Variants in HEMK2 observed in about 807,000 individuals in gnomAD.
The protein encoded by HEMK2 is methyltransferase HEMK2.
At chr21:28,605,325 T>C in the HEMK2 span, among the ~76,000 whole-genome samples, 1 of 152,222 alleles carries the variant, frequency 6.6e-6, no homozygotes. Flanking sequence ...CTCTGTGTAG[T>C]GGTTTCGTTC....
the HEMK2 span, among the ~76,000 whole-genome samples, chr21:28,724,587 T>C: frequency 0.011 from 1,673 of 152,300 alleles, 25 homozygotes; most frequent in African/African-American, 0.038. Context: ...AGACGCTACA[T>C]TTGGGTTCCT....
the HEMK2 span, among the ~76,000 whole-genome samples, chr21:28,628,048 G>A: frequency 4.6e-5 from 7 of 152,128 alleles, no homozygotes; most frequent in African/African-American, 1.7e-4. Flanking sequence ...ACCCTCAGGA[G>A]TGTACTTTCA....
the HEMK2 span, among the ~76,000 whole-genome samples, chr21:28,667,500 C>A: frequency 1.3e-5 from 2 of 152,130 alleles, no homozygotes; most frequent in Non-Finnish European, 2.9e-5. Flanking sequence ...CTTCTGAAAT[C>A]TGGAATCTTT....
the HEMK2 span, among the ~76,000 whole-genome samples, chr21:28,619,689 A>C: frequency 1.3e-5 from 2 of 152,184 alleles, no homozygotes; most frequent in Admixed American, 1.3e-4. Context: ...TTTGTTACAA[A>C]AGGACTGAAT....
chr21:28,722,162 G>GC, the HEMK2 span, among the ~76,000 whole-genome samples: 1 of 151,480 alleles, frequency 6.6e-6, no homozygotes, highest in Non-Finnish European at 1.5e-5. Flanking sequence ...GTATAGAAAC[G>GC]CAGGTCAAAA....
chr21:28,623,126 A>C, the HEMK2 span, among the ~76,000 whole-genome samples: 1 of 152,190 alleles, frequency 6.6e-6, no homozygotes, highest in Non-Finnish European at 1.5e-5. Context: ...TCTACAAGGA[A>C]CTTAAACAAA....
chr21:28,584,911 A>G, the HEMK2 span, among the ~76,000 whole-genome samples: 1 of 152,144 alleles, frequency 6.6e-6, no homozygotes, highest in Non-Finnish European at 1.5e-5. Flanking sequence ...ACCAAAGAAA[A>G]AGCCAAAGCT....
the HEMK2 span, among the ~76,000 whole-genome samples, chr21:28,734,511 T>A: frequency 6.6e-6 from 1 of 152,170 alleles, no homozygotes. Context: ...AGAAAGAAGT[T>A]TATATAATGA....
At chr21:28,647,513 A>T in the HEMK2 span, among the ~76,000 whole-genome samples, 1 of 148,874 alleles carries the variant, frequency 6.7e-6, no homozygotes, top group African/African-American at 2.5e-5. Flanking sequence ...CATCTCAAAA[A>T]AAAAAAAAAA....
the HEMK2 span, among the ~76,000 whole-genome samples, chr21:28,822,669 A>T: frequency 6.6e-6 from 1 of 152,114 alleles, no homozygotes; most frequent in Middle Eastern, 3.2e-3. Context: ...GAGGAACTCC[A>T]GCTGGAGCCA....
At chr21:28,653,427 C>A in the HEMK2 span, among the ~76,000 whole-genome samples, 1 of 152,128 alleles carries the variant, frequency 6.6e-6, no homozygotes, top group Admixed American at 6.6e-5. Context: ...TGGTCCAGCT[C>A]CTTGTTCCCA....
the HEMK2 span, among the ~76,000 whole-genome samples, chr21:28,721,329 G>T: frequency 4.6e-5 from 7 of 151,898 alleles, no homozygotes; most frequent in Admixed American, 1.3e-4. Context: ...TTCCCAGGCT[G>T]GTCTCGAACT....
At chr21:28,628,521 G>A in the HEMK2 span, among the ~76,000 whole-genome samples, 6,160 of 152,142 alleles carry the variant, frequency 0.04, 166 homozygotes, top group East Asian at 0.13. Flanking sequence ...GCACGATCTC[G>A]GCTCACTGCA....
the HEMK2 span, among the ~76,000 whole-genome samples, chr21:28,648,491 C>T: frequency 6.6e-6 from 1 of 152,186 alleles, no homozygotes; most frequent in African/African-American, 2.4e-5. Flanking sequence ...CTGATTGCAT[C>T]TCTAGCACTA....
the HEMK2 span, among the ~76,000 whole-genome samples, chr21:28,733,899 T>C: frequency 1.3e-5 from 2 of 152,368 alleles, no homozygotes; most frequent in East Asian, 3.9e-4. Context: ...GGCAGCGCTA[T>C]TGCTGATCCT....
the HEMK2 span, among the ~76,000 whole-genome samples, chr21:28,797,030 G>T: frequency 7.2e-5 from 11 of 152,248 alleles, no homozygotes; most frequent in East Asian, 2.1e-3. Flanking sequence ...TAGGCTGTTG[G>T]TTGTTCCTTC....
At chr21:28,870,879 C>T in the HEMK2 span, among the ~76,000 whole-genome samples, 71,924 of 151,912 alleles carry the variant, frequency 0.47, 19,874 homozygotes, top group Non-Finnish European at 0.62. Context: ...TGGTCTAATA[C>T]GTAATTATGT....
At chr21:28,727,517 G>A in the HEMK2 span, among the ~76,000 whole-genome samples, 6 of 152,180 alleles carry the variant, frequency 3.9e-5, no homozygotes, top group Admixed American at 3.9e-4. Context: ...ACCTTTCAAA[G>A]TTGCACCCTG....
At chr21:28,690,721 G>T in the HEMK2 span, among the ~76,000 whole-genome samples, 1 of 151,962 alleles carries the variant, frequency 6.6e-6, no homozygotes, top group African/African-American at 2.4e-5. Flanking sequence ...TTTCTTTCTT[G>T]CATTGTATAG....
Sources: gnomAD v4.1 joint callset for allele counts (sites outside exome capture counted in the v4.1 genomes callset) on GRCh38, gnomAD v4.1.1 for gene constraint, MANE v1.5 for transcripts, NCBI Gene and HGNC (gene_info 2026-07-23, HGNC 2026-07-21) for gene names.